DNM3: variants seen among roughly 807,000 people sequenced by gnomAD.
DNM3 encodes the protein dynamin 3.
DNM3 carries 47 observed loss-of-function variants against 101.6 expected under a neutral mutation model. The ratio of observed to expected loss-of-function variants is 0.46; its 90% CI spans 0.37 to 0.59. The LOEUF (loss-of-function observed/expected upper bound fraction) is 0.59. Ranked by LOEUF, DNM3 falls within the 20% of genes least tolerant of loss-of-function variation. DNM3 has a pLI of 0.00. For missense variants in DNM3, 849 were observed against 1,085.7 expected (o/e 0.78, Z 3.06); for synonymous variants, 385 against 387.9 (o/e 0.99, Z 0.09).
At chr1:172,381,927 T>C (rs2068931286) in intron 18 of DNM3, among the ~76,000 whole-genome samples, 1 of 152,150 alleles carries the variant, frequency 6.6e-6, no homozygotes, top group African/African-American at 2.4e-5. Flanking sequence ...TGGCCTTTCC[T>C]CTTTGAAATG....
At chr1:172,081,555 A>G (rs935368975) in intron 11 of DNM3, among the ~76,000 whole-genome samples, 2 of 152,164 alleles carry the variant, frequency 1.3e-5, no homozygotes, top group African/African-American at 4.8e-5. Flanking sequence ...ATAATTCTAG[A>G]TTCTGTATTA....
At chr1:172,066,326 G>C (rs143719387) in intron 10 of DNM3, among the ~76,000 whole-genome samples, 1,842 of 152,302 alleles carry the variant, frequency 0.012, 23 homozygotes, top group Middle Eastern at 0.027. Context: ...AATTTATACA[G>C]AAAAGGTATT....
chr1:172,377,837 C>G (rs2068691974), intron 17 of DNM3, among the ~76,000 whole-genome samples: 1 of 151,698 alleles, frequency 6.6e-6, no homozygotes, highest in Admixed American at 6.6e-5. Context: ...TGACAGAAGC[C>G]TATATAAATG....
chr1:172,255,921 AT>A (rs2148695094), intron 15 of DNM3, among the ~76,000 whole-genome samples: 1 of 152,236 alleles, frequency 6.6e-6, no homozygotes, highest in African/African-American at 2.4e-5. Flanking sequence ...TTCTGTTTTC[AT>A]TTTTAAATCA....
chr1:171,855,957 A>G (rs1019375482), intron 1 of DNM3, among the ~76,000 whole-genome samples: 1 of 152,112 alleles, frequency 6.6e-6, no homozygotes, highest in Non-Finnish European at 1.5e-5. Context: ...TACGTCTCAG[A>G]TGGTATTGCC....
At chr1:172,285,483 T>C (rs2063662638) in intron 15 of DNM3, among the ~76,000 whole-genome samples, 1 of 152,154 alleles carries the variant, frequency 6.6e-6, no homozygotes, top group South Asian at 2.1e-4. Flanking sequence ...GGACACAGCA[T>C]CTTGGGCCCA....
intron 4 of DNM3, among the ~76,000 whole-genome samples, chr1:171,993,873 A>G (rs1384375442): frequency 6.6e-6 from 1 of 152,010 alleles, no homozygotes; most frequent in African/African-American, 2.4e-5. Flanking sequence ...CAGATCTGCT[A>G]TTAAATCTCT....
intron 1 of DNM3, among the ~76,000 whole-genome samples, chr1:171,845,220 C>A (rs2031878340): frequency 1.3e-5 from 2 of 152,174 alleles, no homozygotes; most frequent in Non-Finnish European, 2.9e-5. Flanking sequence ...ATACTTTTAA[C>A]TTCTGTCTTG....
chr1:172,305,083 T>A (rs1485106701), intron 15 of DNM3, among the ~76,000 whole-genome samples: 1 of 151,836 alleles, frequency 6.6e-6, no homozygotes, highest in Non-Finnish European at 1.5e-5. Flanking sequence ...AAAAAATCAG[T>A]GAATCGAGGA....
chr1:172,174,075 T>A (rs1471606669), intron 14 of DNM3, among the ~76,000 whole-genome samples: 2 of 151,702 alleles, frequency 1.3e-5, no homozygotes, highest in Non-Finnish European at 2.9e-5. Context: ...CATAATAGTA[T>A]GTTAATAAGA....
intron 12 of DNM3, among the ~76,000 whole-genome samples, chr1:172,088,950 A>G (rs1278826633): frequency 1.3e-5 from 2 of 152,238 alleles, no homozygotes; most frequent in Non-Finnish European, 2.9e-5. Context: ...TTCTTGTTAT[A>G]TACTTTTAGA....
chr1:172,188,656 G>C (rs1227610601), intron 14 of DNM3, among the ~76,000 whole-genome samples: 1 of 152,052 alleles, frequency 6.6e-6, no homozygotes, highest in Non-Finnish European at 1.5e-5. Context: ...GCATGTGTTT[G>C]TGTGAACATG....
chr1:172,277,685 T>A (rs1372424394), intron 15 of DNM3, among the ~76,000 whole-genome samples: 1 of 152,022 alleles, frequency 6.6e-6, no homozygotes, highest in Non-Finnish European at 1.5e-5. Flanking sequence ...ATAATTAAAA[T>A]AATTGATGAG....
chr1:172,139,152 A>G (rs1033633067), intron 14 of DNM3: 7 of 313,592 alleles, frequency 2.2e-5, no homozygotes, highest in Admixed American at 9.2e-5. Context: ...AATTTTAAGG[A>G]AAAAAAGAGA....
chr1:172,170,856 C>G (rs1376633760), intron 14 of DNM3, among the ~76,000 whole-genome samples: 1 of 151,646 alleles, frequency 6.6e-6, no homozygotes, highest in East Asian at 1.9e-4. Context: ...AGAAAAATTG[C>G]ATTTCTGAGT....
chr1:172,252,079 T>C (rs1164498077), intron 14 of DNM3, among the ~76,000 whole-genome samples: 1 of 152,150 alleles, frequency 6.6e-6, no homozygotes, highest in Non-Finnish European at 1.5e-5. Context: ...AATTTTGCAG[T>C]GCTTTACTTT....
At position 171,942,572 on chromosome 1, in the gene DNM3, GAC is replaced by G. The variant is rs577047172; in HGVS notation, c.235+20755_235+20756del. On this transcript the variant is annotated intron_variant, in intron 2 of 20. Coordinates refer to ENST00000627582, the MANE Select transcript of DNM3 (RefSeq NM_015569.5). The stretch of plus-strand genomic sequence containing the variant: ...ATTTATTGGGAGCTTCTATGTACCA[GAC>G]ACATATTGAACGAAGTGGGCAATTT... 2.2e-3 allele frequency among the ~76,000 whole-genome samples: 337 copies of G among 152,220 alleles called. 3 individuals are homozygous for G. Among genetic ancestry groups the G allele is most frequent in the South Asian group, 4.6e-3 (22 of 4,818 alleles).
chr1:171,983,166 A>G (rs577583731), intron 2 of DNM3, among the ~76,000 whole-genome samples: 3 of 152,184 alleles, frequency 2.0e-5, no homozygotes, highest in Non-Finnish European at 4.4e-5. Context: ...TCCTTAAAAG[A>G]ACTGTTGGCT....
rs557594303 is a variant in DNM3, at chr1:172,406,245, T to C, written c.2523-1527T>C. Among the ~76,000 whole-genome samples, 28 of 152,104 alleles carry C rather than the reference T, an allele frequency of 1.8e-4. No homozygotes were observed. In the South Asian group the frequency reaches 5.8e-3, roughly 32 times the overall value. ...CTGAAGTAAGTCTTAAATGATTAGT[T>C]AGTAGTCTCAGAAGATGACCAAAAT... On this transcript the variant is annotated intron_variant, in intron 20 of 20. Transcript: ENST00000627582.
Sources: gnomAD v4.1 joint callset for allele counts (sites outside exome capture counted in the v4.1 genomes callset) on GRCh38, gnomAD v4.1.1 for gene constraint, MANE v1.5 for transcripts, NCBI Gene and HGNC (gene_info 2026-07-23, HGNC 2026-07-21) for gene names.